Variants in TENM3 observed in about 807,000 individuals in gnomAD.
TENM3 encodes the protein teneurin transmembrane protein 3.
A neutral mutation model predicts 255.1 loss-of-function variants in TENM3; 63 were observed. The ratio of observed to expected loss-of-function variants is 0.25; its 90% CI spans 0.20 to 0.30. TENM3 has a LOEUF of 0.30. TENM3 is among the 10% of genes least tolerant of loss of function. The probability of loss-of-function intolerance (pLI) is 1.00; values close to 1 mark genes in which losing one functional copy is unlikely to be tolerated. For synonymous variants in TENM3, 1,306 were observed against 1,322.3 expected (o/e 0.99, Z 0.27); for missense variants, 2,929 against 3,461.1 (o/e 0.85, Z 3.86).
chr4:181,496,448 C>A, the TENM3 span, among the ~76,000 whole-genome samples: 1 of 152,048 alleles, frequency 6.6e-6, no homozygotes, highest in Non-Finnish European at 1.5e-5. Context: ...AATCAGTAGC[C>A]CACAGACCAC....
intron 16 of TENM3, among the ~76,000 whole-genome samples, chr4:182,731,926 C>T (rs1760774512): frequency 6.6e-6 from 1 of 151,828 alleles, no homozygotes; most frequent in Non-Finnish European, 1.5e-5. Flanking sequence ...AGACTACAGG[C>T]GACTGCCACC....
chr4:182,592,437 G>A (rs1231096196), intron 3 of TENM3, among the ~76,000 whole-genome samples: 1 of 152,198 alleles, frequency 6.6e-6, no homozygotes, highest in Non-Finnish European at 1.5e-5. Context: ...AAATTCACAT[G>A]ATGGAGCCGG....
chr4:182,045,472 A>G, the TENM3 span, among the ~76,000 whole-genome samples: 1 of 152,138 alleles, frequency 6.6e-6, no homozygotes, highest in African/African-American at 2.4e-5. Flanking sequence ...AAGAACAGGA[A>G]CAGAAGACCG....
At chr4:181,731,396 C>G in the TENM3 span, among the ~76,000 whole-genome samples, 1 of 152,082 alleles carries the variant, frequency 6.6e-6, no homozygotes, top group Admixed American at 6.5e-5. Flanking sequence ...CTTTGTCACC[C>G]GGGCTGGAGT....
chr4:182,348,169 T>C (rs1361897939), intron 3 of TENM3, among the ~76,000 whole-genome samples: 1 of 152,166 alleles, frequency 6.6e-6, no homozygotes, highest in Non-Finnish European at 1.5e-5. Flanking sequence ...AATAGCTATA[T>C]ACTCAATATC....
the TENM3 span, among the ~76,000 whole-genome samples, chr4:181,900,851 T>A: frequency 0.34 from 51,554 of 152,120 alleles, 8,954 homozygotes; most frequent in East Asian, 0.51. Flanking sequence ...ATATTGCTAG[T>A]TTCTTTATTC....
At chr4:181,708,026 G>C in the TENM3 span, among the ~76,000 whole-genome samples, 1 of 151,968 alleles carries the variant, frequency 6.6e-6, no homozygotes, top group Admixed American at 6.6e-5. Flanking sequence ...TGCCTTCAAA[G>C]CTATGAAAAA....
At chr4:182,281,794 G>C (rs1760401810) in intron 1 of TENM3, among the ~76,000 whole-genome samples, 3 of 152,124 alleles carry the variant, frequency 2.0e-5, no homozygotes, top group Admixed American at 2.0e-4. Flanking sequence ...GGAGAATAGT[G>C]GTGTGATCTC....
chr4:181,551,178 G>T, the TENM3 span, among the ~76,000 whole-genome samples: 3 of 152,132 alleles, frequency 2.0e-5, no homozygotes, highest in African/African-American at 7.2e-5. Flanking sequence ...TAAAGTGAAT[G>T]TGGAGTTACC....
the TENM3 span, among the ~76,000 whole-genome samples, chr4:181,524,403 A>G: frequency 6.6e-6 from 1 of 152,218 alleles, no homozygotes; most frequent in Non-Finnish European, 1.5e-5. Flanking sequence ...AATGAAGCAA[A>G]AGCGAACTCC....
At chr4:181,996,151 G>A in the TENM3 span, among the ~76,000 whole-genome samples, 2 of 130,336 alleles carry the variant, frequency 1.5e-5, no homozygotes, top group South Asian at 2.7e-4. Flanking sequence ...AACCAGGGTC[G>A]CTACGGTTAA....
At chr4:181,511,765 C>T in the TENM3 span, among the ~76,000 whole-genome samples, 19 of 152,176 alleles carry the variant, frequency 1.2e-4, no homozygotes, top group African/African-American at 4.3e-4. Context: ...AGAGGGTAGT[C>T]GGGAGCTCTA....
At chr4:182,180,010 A>G (rs1338457919) in intron 1 of TENM3, among the ~76,000 whole-genome samples, 1 of 152,140 alleles carries the variant, frequency 6.6e-6, no homozygotes, top group Non-Finnish European at 1.5e-5. Flanking sequence ...TCCCTAAGTT[A>G]CAGCCTGCTT....
chr4:181,571,858 A>G, the TENM3 span, among the ~76,000 whole-genome samples: 2 of 152,208 alleles, frequency 1.3e-5, no homozygotes, highest in African/African-American at 4.8e-5. Context: ...ATAACAGCAC[A>G]GATTGCAGTT....
intron 3 of TENM3, among the ~76,000 whole-genome samples, chr4:182,529,961 G>A (rs1580844780): frequency 6.6e-6 from 1 of 152,184 alleles, no homozygotes; most frequent in Non-Finnish European, 1.5e-5. Flanking sequence ...TTTTTATGTG[G>A]TAGCTGGTTT....
chr4:182,791,730 C>T (rs1283585390), intron 25 of TENM3, among the ~76,000 whole-genome samples: 1 of 152,130 alleles, frequency 6.6e-6, no homozygotes, highest in African/African-American at 2.4e-5. Flanking sequence ...GGTGTCGATG[C>T]TTTGTATACA....
At chr4:182,053,561 G>A in the TENM3 span, among the ~76,000 whole-genome samples, 3 of 152,220 alleles carry the variant, frequency 2.0e-5, no homozygotes, top group East Asian at 5.8e-4. Context: ...GATGTCCTGG[G>A]CCCCAGGGTG....
chr4:182,333,800 A>T (rs1447682634), intron 2 of TENM3, among the ~76,000 whole-genome samples: 1 of 152,238 alleles, frequency 6.6e-6, no homozygotes, highest in African/African-American at 2.4e-5. Flanking sequence ...ATATGGTTGT[A>T]TGCATACAAA....
chr4:182,580,546 G>T (rs903983830), intron 3 of TENM3, among the ~76,000 whole-genome samples: 1 of 151,832 alleles, frequency 6.6e-6, no homozygotes, highest in African/African-American at 2.4e-5. Flanking sequence ...CACTGTGAGT[G>T]TAACTTCCCT....
Sources: gnomAD v4.1 joint callset for allele counts (sites outside exome capture counted in the v4.1 genomes callset) on GRCh38, gnomAD v4.1.1 for gene constraint, MANE v1.5 for transcripts, NCBI Gene and HGNC (gene_info 2026-07-23, HGNC 2026-07-21) for gene names.